The following ARHGAP35 variants were observed in gnomAD, a reference collection of about 807,000 sequenced individuals.
ARHGAP35 encodes rho GTPase-activating protein 35.
A neutral mutation model predicts 111.1 loss-of-function variants in ARHGAP35; 15 were observed. That is an observed-to-expected ratio of 0.13 (90% CI 0.09 to 0.21). The LOEUF (loss-of-function observed/expected upper bound fraction) is 0.21, where lower values mean the gene tolerates loss of function less well. Among genes scored for constraint, ARHGAP35 ranks in the 10% least tolerant of loss-of-function variants. ARHGAP35 has a pLI of 1.00. For synonymous variants in ARHGAP35, 643 were observed against 710.3 expected, an observed-to-expected ratio of 0.91 and a Z score of 1.51; for missense variants, 1,262 against 1,873.0, an observed-to-expected ratio of 0.67 and a Z score of 6.02.
intron 1 of ARHGAP35, among the ~76,000 whole-genome samples, chr19:46,869,969 C>G (rs1196589409): frequency 9.2e-6 from 1 of 108,652 alleles, no homozygotes; most frequent in African/African-American, 3.5e-5. Flanking sequence ...TTTTTTGAAA[C>G]AGAGTCTTGC....
intron 3 of ARHGAP35, 55 bp downstream of exon 3, chr19:46,937,463 C>CT: frequency 6.3e-7 from 1 of 1,587,650 alleles, no homozygotes; most frequent in Non-Finnish European, 8.6e-7. Context: ...AGGATGCTTA[C>CT]TGGAGGGTCA....
intron 3 of ARHGAP35, among the ~76,000 whole-genome samples, chr19:46,965,465 T>TG (rs1490658800): frequency 4.8e-4 from 60 of 125,874 alleles, no homozygotes; most frequent in Non-Finnish European, 8.9e-4. Context: ...TTTCTTGGGT[T>TG]TTTTGTTTGT....
intron 5 of ARHGAP35, among the ~76,000 whole-genome samples, chr19:46,991,288 G>T (rs1175378230): frequency 6.6e-6 from 1 of 152,204 alleles, no homozygotes; most frequent in Non-Finnish European, 1.5e-5. Flanking sequence ...TACCCAGTTT[G>T]CTGGAAGCCG....
Position 46,992,831 on chromosome 19 carries a change from G to T in ARHGAP35, c.4036+3156G>T, listed in dbSNP as rs114058508. 6.6e-6 allele frequency among the ~76,000 whole-genome samples: 1 copy of T among 152,192 alleles called. No individual in the cohort carries two copies. Among genetic ancestry groups the T allele is most frequent in the Non-Finnish European group, 1.5e-5 (1 of 68,036 alleles). On this transcript the variant is annotated intron_variant, in intron 5 of 6. Transcript: ENST00000672722. This position sits in a 1 kb window ranked among gnomAD's most constrained non-coding sequence, Gnocchi z 4.4. Reference sequence around the variant, plus strand: ...GCTCATTGTCTCGGCCTTTCCATTTGACAGATGAGACTGTTGGGGCTAGAG... The same window carrying T: ...GCTCATTGTCTCGGCCTTTCCATTTTACAGATGAGACTGTTGGGGCTAGAG...
At chr19:46,967,467 C>T (rs761982372) in intron 3 of ARHGAP35, among the ~76,000 whole-genome samples, 4 of 152,180 alleles carry the variant, frequency 2.6e-5, no homozygotes, top group Admixed American at 6.5e-5. Context: ...CCTGCCCCTG[C>T]GTTTAGTCTC....
chr19:46,929,380 A>G (rs1164688707), intron 2 of ARHGAP35, among the ~76,000 whole-genome samples: 1 of 152,176 alleles, frequency 6.6e-6, no homozygotes, highest in East Asian at 1.9e-4. Flanking sequence ...AAAGTGGTTT[A>G]GGGAACAGCT....
At chr19:46,880,325 G>A (rs867728998) in intron 1 of ARHGAP35, among the ~76,000 whole-genome samples, 23 of 151,848 alleles carry the variant, frequency 1.5e-4, no homozygotes, top group African/African-American at 4.1e-4. Context: ...CCAGCTACTC[G>A]GGAGGCTGAG....
At position 46,921,522 on chromosome 19, in the gene ARHGAP35, G is replaced by A; in HGVS notation, c.2847G>A (p.Glu949=). The change falls in exon 2 of 7, where the codon GAG becomes GAA. Residue 949 remains glutamate (E), a synonymous_variant. Coordinates refer to ENST00000672722, the MANE Select transcript of ARHGAP35 (RefSeq NM_004491.5). The surrounding 1 kb of genome is among the most constrained non-coding windows in gnomAD (Gnocchi z 4.3). Reference sequence around the variant, plus strand: ...TGGTGGAAAAAAAGAACATAATCGAGGCTACTCATATGTACGATAATGCTG... The same window carrying A: ...TGGTGGAAAAAAAGAACATAATCGAAGCTACTCATATGTACGATAATGCTG... ...KDVVEKKNII[E]ATHMYDNAAE... 5.0e-6 allele frequency: 8 copies of A among 1,613,922 alleles called. No individual in the cohort carries two copies. Among genetic ancestry groups the A allele is most frequent in the Non-Finnish European group, 6.8e-6 (8 of 1,179,886 alleles).
In ARHGAP35 at chr19:46,993,558, C is replaced by T. The variant is rs1220573627; in HGVS notation, c.4036+3883C>T. Among the ~76,000 whole-genome samples the T allele has an allele frequency of 6.6e-6, 1 of 152,178 alleles. No homozygotes were observed. Among genetic ancestry groups the T allele is most frequent in the Non-Finnish European group, 1.5e-5 (1 of 68,024 alleles). On this transcript the variant is annotated intron_variant, in intron 5 of 6. Transcript: ENST00000672722. The surrounding 1 kb of genome is among the most constrained non-coding windows in gnomAD (Gnocchi z 4.6). ...TTTGTAAGAGGTATGGGAAGCTAAT[C>T]GGTAAGGTCCCTGTGCCCTCTGTCT...
intron 2 of ARHGAP35, among the ~76,000 whole-genome samples, chr19:46,928,199 A>G (rs992579184): frequency 6.6e-6 from 1 of 152,184 alleles, no homozygotes; most frequent in African/African-American, 2.4e-5. Flanking sequence ...ATCTTTAACT[A>G]TCTGCCTTAG....
Position 46,874,532 on chromosome 19 carries a change from C to G in ARHGAP35, c.-189+13323C>G, listed in dbSNP as rs560646850. 1.3e-3 allele frequency among the ~76,000 whole-genome samples: 143 copies of G among 112,170 alleles called. 1 individual carries two copies. The highest frequency in any genetic ancestry group is 2.1e-3 in the Non-Finnish European group (121 of 58,744). 73.6% of individuals were successfully genotyped at this position (112,170 alleles called of 152,430 possible). On this transcript the variant is annotated intron_variant, in intron 1 of 6. Coordinates refer to ENST00000672722, the MANE Select transcript of ARHGAP35 (RefSeq NM_004491.5). ...TTTTTTTTTTTTTTTGAGTCGGAGT[C>G]TTGCTCTGTTGCCCAGGCTGGAGTA... is the stretch of plus-strand genomic sequence containing the variant.
intron 1 of ARHGAP35, among the ~76,000 whole-genome samples, chr19:46,910,339 G>A (rs970924088): frequency 3.9e-5 from 6 of 151,926 alleles, no homozygotes; most frequent in Non-Finnish European, 7.4e-5. Flanking sequence ...TGCCCAGGCT[G>A]AAGTACAGAA....
In ARHGAP35 at chr19:46,999,280, G is replaced by A. The variant is rs767650129; in HGVS notation, c.4037-24G>A. 11 of 1,544,734 alleles carry A rather than the reference G, an allele frequency of 7.1e-6. No individual in the cohort carries two copies. The highest frequency in any genetic ancestry group is 8.8e-6 in the Non-Finnish European group (10 of 1,136,754). ...CACCAGCCTCGGCCATGAAAGGCAAGGCTTTGGTTTTCTCTCTCCTCAGAA... is the reference window on the plus strand; with the variant it reads ...CACCAGCCTCGGCCATGAAAGGCAAAGCTTTGGTTTTCTCTCTCCTCAGAA... On this transcript the variant is annotated intron_variant, in intron 5 of 6. Coordinates refer to ENST00000672722, the MANE Select transcript of ARHGAP35 (RefSeq NM_004491.5). The surrounding 1 kb of genome is among the most constrained non-coding windows in gnomAD (Gnocchi z 5.4).
chr19:46,878,581 A>G (rs1323713098), intron 1 of ARHGAP35, among the ~76,000 whole-genome samples: 1 of 152,172 alleles, frequency 6.6e-6, no homozygotes, highest in Non-Finnish European at 1.5e-5. Context: ...GGCCTCCGGA[A>G]GTGCTGGGTT....
At chr19:46,940,093 C>T (rs1231798631) in intron 3 of ARHGAP35, among the ~76,000 whole-genome samples, 1 of 151,616 alleles carries the variant, frequency 6.6e-6, no homozygotes, top group Non-Finnish European at 1.5e-5. Context: ...AAAATTAGGC[C>T]GGGGCGGTGG....
chr19:46,986,111 T>G lies in ARHGAP35; in HGVS notation c.3827-1878T>G, dbSNP rs2056648585. 1.3e-5 allele frequency among the ~76,000 whole-genome samples: 2 copies of G among 152,184 alleles called. No individual in the cohort carries two copies. The highest frequency in any genetic ancestry group is 2.9e-5 in the Non-Finnish European group (2 of 68,028). ...GCAAGACAGAGTCGCTCAAAGCCAG[T>G]CTTCAGAAGGGACCCAGGGTTGCTT... On this transcript the variant is annotated intron_variant, in intron 3 of 6. Coordinates refer to ENST00000672722, the MANE Select transcript of ARHGAP35 (RefSeq NM_004491.5). The surrounding 1 kb of genome is among the most constrained non-coding windows in gnomAD (Gnocchi z 4.3).
intron 1 of ARHGAP35, among the ~76,000 whole-genome samples, chr19:46,869,476 TTGTGTG>T (rs36048282): frequency 1.2e-3 from 171 of 144,308 alleles, no homozygotes; most frequent in East Asian, 3.7e-3. Context: ...AGAAAAAAAA[TTGTGTG>T]TGTGTGTGTG....
chr19:46,877,293 T>G (rs1409066699), intron 1 of ARHGAP35, among the ~76,000 whole-genome samples: 1 of 145,690 alleles, frequency 6.9e-6, no homozygotes, highest in Admixed American at 6.9e-5. Context: ...CTGGGCGCAG[T>G]GGGTCATGCC....
chr19:46,950,881 A>G (rs2056408345), intron 3 of ARHGAP35, among the ~76,000 whole-genome samples: 1 of 152,254 alleles, frequency 6.6e-6, no homozygotes, highest in South Asian at 2.1e-4. Context: ...GGTGTCAACA[A>G]GAACACCTAG....
Sources: gnomAD v4.1 joint callset for allele counts (sites outside exome capture counted in the v4.1 genomes callset) on GRCh38, gnomAD v4.1.1 for gene constraint, Gnocchi (gnomAD v3.1) non-coding constraint, MANE v1.5 for transcripts, NCBI Gene and HGNC (gene_info 2026-07-23, HGNC 2026-07-21) for gene names.